Variants in RSPO4 observed in about 807,000 individuals in gnomAD.
The protein encoded by RSPO4 is R-spondin 4, also known as R-spondin-4.
A neutral mutation model predicts 24.8 loss-of-function variants in RSPO4; 23 were observed. The ratio of observed to expected loss-of-function variants is 0.93; its 90% CI spans 0.67 to 1.31. The LOEUF is 1.31. RSPO4 is among the 40% of genes most tolerant of loss of function. RSPO4 has a pLI of 0.00. For synonymous variants in RSPO4, 141 were observed against 127.4 expected (o/e 1.11, Z -0.72); for missense variants, 333 against 316.5 (o/e 1.05, Z -0.39).
chr20:972,468 T>A (rs1022379725), intron 1 of RSPO4, among the ~76,000 whole-genome samples: 4 of 152,244 alleles, frequency 2.6e-5, no homozygotes, highest in African/African-American at 9.6e-5. Flanking sequence ...CAATGGGATA[T>A]GAGCGGGCAT....
At chr20:962,232 C>A (rs1984020939) in intron 4 of RSPO4, among the ~76,000 whole-genome samples, 1 of 152,082 alleles carries the variant, frequency 6.6e-6, no homozygotes, top group Non-Finnish European at 1.5e-5. Flanking sequence ...GCAAGTGCTA[C>A]CATGTGATAT....
chr20:964,392 A>G (rs1376338866), intron 3 of RSPO4, among the ~76,000 whole-genome samples: 2 of 152,134 alleles, frequency 1.3e-5, no homozygotes, highest in African/African-American at 2.4e-5. Context: ...AGTTAAAGGG[A>G]GAGAGGGGAG....
chr20:991,842 G>A (rs867695261), intron 1 of RSPO4, among the ~76,000 whole-genome samples: 1 of 152,032 alleles, frequency 6.6e-6, no homozygotes. Flanking sequence ...GAATTTTTAC[G>A]AGTAAAATAA....
chr20:974,441 A>G (rs1335599641), intron 1 of RSPO4, among the ~76,000 whole-genome samples: 1 of 152,178 alleles, frequency 6.6e-6, no homozygotes, highest in Non-Finnish European at 1.5e-5. Flanking sequence ...TCCAATGCAC[A>G]TGTGTGAGAA....
intron 1 of RSPO4, among the ~76,000 whole-genome samples, chr20:1,000,662 G>T (rs1005349793): frequency 2.0e-5 from 3 of 152,222 alleles, no homozygotes; most frequent in Admixed American, 2.0e-4. Context: ...AAGTCACTCA[G>T]TTGGTAACTG....
intron 1 of RSPO4, among the ~76,000 whole-genome samples, chr20:971,544 A>G (rs1161049366): frequency 2.6e-5 from 4 of 152,256 alleles, no homozygotes; most frequent in Admixed American, 2.6e-4. Flanking sequence ...ATGATAAATG[A>G]CTGAGGTAGC....
At chr20:968,266 C>G in intron 1 of RSPO4, 128 bp from the exon 2 acceptor site, 1 of 756,656 alleles carries the variant, frequency 1.3e-6, no homozygotes, top group Non-Finnish European at 2.2e-6. Flanking sequence ...CAAAAGACTA[C>G]ATTTCCCACC....
Position 981,531 on chromosome 20 carries a change from A to G in RSPO4, c.80-13393T>C, listed in dbSNP as rs184410210. 3.8e-4 allele frequency among the ~76,000 whole-genome samples: 58 copies of G among 152,284 alleles called. No homozygotes were observed. The highest frequency in any genetic ancestry group is 7.3e-5 in the Non-Finnish European group (5 of 68,030). On this transcript the variant is annotated intron_variant, in intron 1 of 4. Coordinates refer to ENST00000217260, the MANE Select transcript of RSPO4 (RefSeq NM_001029871.4). This position sits in a 1 kb window ranked among gnomAD's most constrained non-coding sequence, Gnocchi z 4.6. ...AGAGTGAGACGCTGTCTCAAAAAAG[A>G]TAAGATATAAAATAAAATAAAATAA...
At chr20:978,791 G>C (rs2122235582) in intron 1 of RSPO4, among the ~76,000 whole-genome samples, 1 of 151,612 alleles carries the variant, frequency 6.6e-6, no homozygotes, top group Non-Finnish European at 1.5e-5. Flanking sequence ...TGTGTAGATG[G>C]AAGAAAGGTT....
rs1204931296 is a variant in RSPO4, at chr20:970,071, C to A, written c.80-1933G>T. Among the ~76,000 whole-genome samples, 1 of 152,118 alleles carries A rather than the reference C, an allele frequency of 6.6e-6. No homozygotes were observed. Among genetic ancestry groups the A allele is most frequent in the East Asian group, 1.9e-4 (1 of 5,166 alleles). On this transcript the variant is annotated intron_variant, in intron 1 of 4. Transcript: ENST00000217260. This position sits in a 1 kb window ranked among gnomAD's most constrained non-coding sequence, Gnocchi z 4.1. Reference sequence around the variant, plus strand: ...TGGCACCTTCCCCCTGGAACAGAAACCAAAAGAGTTCTGGCCCTCCTTTAA... The same window carrying A: ...TGGCACCTTCCCCCTGGAACAGAAAACAAAAGAGTTCTGGCCCTCCTTTAA...
At position 989,177 on chromosome 20, in the gene RSPO4, G is replaced by A. The variant is rs952155917; in HGVS notation, c.79+12909C>T. Among the ~76,000 whole-genome samples, 7 of 152,018 alleles carry A rather than the reference G, an allele frequency of 4.6e-5. 1 individual carries two copies. The highest frequency in any genetic ancestry group is 1.0e-4 in the Non-Finnish European group (7 of 68,026). On this transcript the variant is annotated intron_variant, in intron 1 of 4. Coordinates refer to ENST00000217260, the MANE Select transcript of RSPO4 (RefSeq NM_001029871.4). ...AGTAGAGTCACCTATTCTCACAACC[G>A]TGACATTCCACCCAGTCCAGGCTCC...
intron 1 of RSPO4, among the ~76,000 whole-genome samples, chr20:984,283 G>A (rs1270237314): frequency 6.6e-6 from 1 of 152,162 alleles, no homozygotes; most frequent in African/African-American, 2.4e-5. Context: ...AGGTTGCAGT[G>A]AGCCGAGATC....
At chr20:969,314 AAAG>A (rs1984335997) in intron 1 of RSPO4, among the ~76,000 whole-genome samples, 1 of 152,226 alleles carries the variant, frequency 6.6e-6, no homozygotes, top group Non-Finnish European at 1.5e-5. Flanking sequence ...TGTTTCCAAT[AAAG>A]AAGAAAATAA....
Position 967,268 on chromosome 20 carries a change from G to A in RSPO4, c.315C>T (p.Ile105=), listed in dbSNP as rs778504126. 3.7e-6 allele frequency: 6 copies of A among 1,614,234 alleles called. No homozygotes were observed. Among genetic ancestry groups the A allele is most frequent in the Admixed American group, 1.7e-5 (1 of 60,038 alleles). Residue 105 remains isoleucine, a synonymous_variant, in exon 3 of 5, where the codon ATC becomes ATT. Coordinates refer to ENST00000217260, the MANE Select transcript of RSPO4 (RefSeq NM_001029871.4). Reference sequence around the variant, plus strand: ...ACAAGTAAAACTGCCTCTTGCACCGGATGCAGAAGTCCTGGCTGAAGCAGC... The same window carrying A: ...ACAAGTAAAACTGCCTCTTGCACCGAATGCAGAAGTCCTGGCTGAAGCAGC... The part of the protein sequence containing the change: ...CESCFSQDFC[I]RCKRQFYLYK...
At chr20:982,091 T>G (rs1984754182) in intron 1 of RSPO4, among the ~76,000 whole-genome samples, 1 of 152,118 alleles carries the variant, frequency 6.6e-6, no homozygotes, top group Non-Finnish European at 1.5e-5. Flanking sequence ...AAGGGTTGTT[T>G]TTGGATTCCT....
At chr20:998,314 C>T (rs1985358727) in intron 1 of RSPO4, among the ~76,000 whole-genome samples, 1 of 152,162 alleles carries the variant, frequency 6.6e-6, no homozygotes, top group South Asian at 2.1e-4. Context: ...GGATGCGAAC[C>T]AGGGCCCCCT....
intron 1 of RSPO4, among the ~76,000 whole-genome samples, chr20:994,824 A>G (rs1197452993): frequency 6.6e-6 from 1 of 152,164 alleles, no homozygotes; most frequent in Non-Finnish European, 1.5e-5. Flanking sequence ...TCAGCCTTCC[A>G]AAGTGCTGGG....
chr20:967,864 G>T, intron 2 of RSPO4, 86 bp downstream of exon 2: 1 of 1,316,620 alleles, frequency 7.6e-7, no homozygotes, highest in Middle Eastern at 1.9e-4. Flanking sequence ...CTTCCCCTCT[G>T]TCTGTGCTGG....
At chr20:986,481 T>G (rs1464146439) in intron 1 of RSPO4, among the ~76,000 whole-genome samples, 1 of 151,754 alleles carries the variant, frequency 6.6e-6, no homozygotes, top group Non-Finnish European at 1.5e-5. Context: ...AGAAGCTGAG[T>G]CAGGCAGTGA....
Sources: allele counts gnomAD v4.1 joint callset (sites outside exome capture counted in the v4.1 genomes callset), GRCh38; gene constraint gnomAD v4.1.1; non-coding constraint Gnocchi (gnomAD v3.1); transcripts MANE v1.5; gene names NCBI Gene and HGNC (gene_info 2026-07-23, HGNC 2026-07-21).